The following NHSL2 variants were observed in gnomAD, a reference collection of about 807,000 sequenced individuals.
NHSL2 encodes NHS like 2.
Under a neutral mutation model 53.4 loss-of-function variants are expected in NHSL2, and 27 were observed. The observed-to-expected ratio is 0.51, with a 90% CI of 0.37 to 0.70. NHSL2 has a LOEUF of 0.70. NHSL2 is among the 30% of genes least tolerant of loss of function. The pLI, the probability that NHSL2 is intolerant of heterozygous loss-of-function variation, is 0.00. For synonymous variants in NHSL2, 408 were observed against 404.1 expected (o/e 1.01, Z -0.12); for missense variants, 892 against 980.1 (o/e 0.91, Z 1.20).
chrX:71,972,103 C>T lies in NHSL2; in HGVS notation c.280+60736C>T, dbSNP rs940861786. Among the ~76,000 whole-genome samples the T allele has an allele frequency of 1.5e-4, 16 of 109,485 alleles. No individual in the cohort carries two copies. In the Admixed American group the frequency reaches 1.5e-3, roughly 10 times the overall value. The stretch of plus-strand genomic sequence containing the variant: ...AGGCTGGAGTGCAATGGTATGATCT[C>T]GGCTTACTGCAACCTCCACCTCCCA... On this transcript the variant is annotated intron_variant, in intron 1 of 7. Transcript: ENST00000633930.
At chrX:71,947,717 A>G (rs1244449260) in intron 1 of NHSL2, among the ~76,000 whole-genome samples, 1 of 112,314 alleles carries the variant, frequency 8.9e-6, no homozygotes, top group African/African-American at 3.2e-5. Flanking sequence ...GAGGATATGG[A>G]ACACACTGTC....
intron 1 of NHSL2, among the ~76,000 whole-genome samples, chrX:72,121,382 C>T (rs1404109939): frequency 1.8e-5 from 2 of 111,676 alleles, no homozygotes; most frequent in African/African-American, 3.3e-5. Flanking sequence ...TATTTCCAGA[C>T]TAATGAAAAA....
chrX:71,972,880 G>GTA (rs1364058746), intron 1 of NHSL2, among the ~76,000 whole-genome samples: 2 of 109,189 alleles, frequency 1.8e-5, no homozygotes, highest in Non-Finnish European at 3.8e-5. Flanking sequence ...GTGTGTGTGT[G>GTA]TGTGTGTGTG....
At chrX:72,085,741 GT>G (rs1348100592) in intron 1 of NHSL2, among the ~76,000 whole-genome samples, 12 of 100,133 alleles carry the variant, frequency 1.2e-4, no homozygotes, top group Admixed American at 4.5e-4. Context: ...GGGGGGTATA[GT>G]TTGAAGAAAA....
chrX:72,124,114 C>T (rs72630037), intron 1 of NHSL2, among the ~76,000 whole-genome samples: 4 of 110,614 alleles, frequency 3.6e-5, no homozygotes, highest in Admixed American at 9.5e-5. Flanking sequence ...AAGTGCTGGC[C>T]GGAGGTGGAG....
rs5902691 is a variant in NHSL2, at chrX:72,042,754, C to CA, written c.281-89310dup. Among the ~76,000 whole-genome samples the CA allele has an allele frequency of 4.2e-3, 400 of 95,049 alleles. 3 individuals carry two copies. Among genetic ancestry groups the CA allele is most frequent in the African/African-American group, 0.015 (359 of 24,175 alleles). 82.5% of individuals were successfully genotyped at this position (95,049 alleles called of 115,157 possible). On this transcript the variant is annotated intron_variant, in intron 1 of 7. Coordinates refer to ENST00000633930, the MANE Select transcript of NHSL2 (RefSeq NM_001013627.3). ...CTGGCCAAGAAGACAATCCCTGAGC[C>CA]AAAAAAAAAAAAAAAGGAGCTGCAA...
rs1489405389 is a variant in NHSL2 at position 72,130,828 on chromosome X, T to G, written c.281-1251T>G. 5 of 1,211,489 alleles carry G rather than the reference T, an allele frequency of 4.1e-6. No homozygotes were observed. The Admixed American group carries it at 8.7e-5, about 21-fold the overall frequency. On this transcript the variant is annotated intron_variant, in intron 1 of 7. Transcript: ENST00000633930. ...CTGCTTGAGCTTGCGAATGGCCTTT[T>G]TAGCCACACGTGGGGGGATGGGGCC...
intron 1 of NHSL2, among the ~76,000 whole-genome samples, chrX:71,988,779 AT>A (rs2042014034): frequency 1.8e-5 from 2 of 111,357 alleles, no homozygotes; most frequent in Admixed American, 1.9e-4. Flanking sequence ...GAGTTCTTGG[AT>A]CTCGCGCAAG....
chrX:72,061,946 C>T (rs1427794731), intron 1 of NHSL2, among the ~76,000 whole-genome samples: 3 of 112,375 alleles, frequency 2.7e-5, no homozygotes, highest in Non-Finnish European at 3.8e-5. Flanking sequence ...CTTCATGGCA[C>T]TTCTCAGGAA....
intron 1 of NHSL2, among the ~76,000 whole-genome samples, chrX:71,964,660 C>G (rs1003126456): frequency 4.5e-5 from 5 of 111,878 alleles, no homozygotes; most frequent in South Asian, 7.5e-4. Context: ...CAGGAGGGCT[C>G]TTCTCAGCTG....
At chrX:72,088,002 G>A (rs1436491335) in intron 1 of NHSL2, among the ~76,000 whole-genome samples, 2 of 109,282 alleles carry the variant, frequency 1.8e-5, no homozygotes, top group African/African-American at 3.3e-5. Context: ...AGGCCGAGGC[G>A]GGCTGCTCAC....
At chrX:71,921,516 G>C (rs1242091879) in intron 1 of NHSL2, among the ~76,000 whole-genome samples, 1 of 110,148 alleles carries the variant, frequency 9.1e-6, no homozygotes, top group Non-Finnish European at 1.9e-5. Context: ...TGATGAAGTA[G>C]AGTAAAACAT....
intron 1 of NHSL2, among the ~76,000 whole-genome samples, chrX:71,992,274 G>A (rs2042030904): frequency 8.9e-6 from 1 of 112,499 alleles, no homozygotes; most frequent in African/African-American, 3.2e-5. Context: ...CCCAAAATCA[G>A]TGTGGAGGGC....
At chrX:72,055,376 G>A (rs2042363538) in intron 1 of NHSL2, among the ~76,000 whole-genome samples, 1 of 112,324 alleles carries the variant, frequency 8.9e-6, no homozygotes, top group African/African-American at 3.2e-5. Flanking sequence ...CAGCTTTGAC[G>A]CATGTAGCCC....
intron 1 of NHSL2, chrX:72,044,919 C>G: frequency 1.5e-6 from 1 of 678,262 alleles, no homozygotes; most frequent in Non-Finnish European, 2.3e-6. Flanking sequence ...AGACTGAAGA[C>G]AGGCTATTCT....
At chrX:72,005,820 C>T (rs987606043) in intron 1 of NHSL2, among the ~76,000 whole-genome samples, 1 of 111,823 alleles carries the variant, frequency 8.9e-6, no homozygotes, top group Admixed American at 9.4e-5. Flanking sequence ...GGGCAGGCAT[C>T]GAGATGGCAA....
At chrX:72,034,177 T>A (rs1391955349) in intron 1 of NHSL2, among the ~76,000 whole-genome samples, 3 of 112,384 alleles carry the variant, frequency 2.7e-5, no homozygotes, top group Admixed American at 9.4e-5. Flanking sequence ...TTGGATTATA[T>A]GGTTATTCTT....
At position 72,066,691 on chromosome X, in the gene NHSL2, G is replaced by A. The variant is rs756891972; in HGVS notation, c.281-65388G>A. Among the ~76,000 whole-genome samples the A allele has an allele frequency of 2.7e-5, 3 of 112,509 alleles. No individual in the cohort carries two copies. The East Asian group carries it at 8.3e-4, about 31-fold the overall frequency. Reference sequence around the variant, plus strand: ...CAATGGGAACATCTTGAGCATGGGTGTAGGCCCAGTGGAAGAAGCCAGTAT... The same window carrying A: ...CAATGGGAACATCTTGAGCATGGGTATAGGCCCAGTGGAAGAAGCCAGTAT... On this transcript the variant is annotated intron_variant, in intron 1 of 7. Transcript: ENST00000633930.
At position 72,097,773 on chromosome X, in the gene NHSL2, T is replaced by A. The variant is rs150030927; in HGVS notation, c.281-34306T>A. 6.4e-3 allele frequency among the ~76,000 whole-genome samples: 721 copies of A among 112,196 alleles called. 7 individuals are homozygous for A. The highest frequency in any genetic ancestry group is 0.022 in the African/African-American group (683 of 30,837). On this transcript the variant is annotated intron_variant, in intron 1 of 7. Transcript: ENST00000633930. ...TGTTTTCCAGAAGCTGGAGAGCTTTTTTCCTTTCTCCAACCGCTATAGTTC... is the reference window on the plus strand; with the variant it reads ...TGTTTTCCAGAAGCTGGAGAGCTTTATTCCTTTCTCCAACCGCTATAGTTC...
Sources: allele counts gnomAD v4.1 joint callset (sites outside exome capture counted in the v4.1 genomes callset), GRCh38; gene constraint gnomAD v4.1.1; transcripts MANE v1.5; gene names NCBI Gene and HGNC (gene_info 2026-07-23, HGNC 2026-07-21).